TRIM16: variants seen among roughly 807,000 people sequenced by gnomAD.
TRIM16 encodes the protein tripartite motif containing 16.
Under a neutral mutation model 50.4 loss-of-function variants are expected in TRIM16, and 33 were observed. The ratio of observed to expected loss-of-function variants is 0.65; its 90% confidence interval spans 0.50 to 0.88. The LOEUF (loss-of-function observed/expected upper bound fraction) is 0.88. Among genes scored for constraint, TRIM16 ranks in the 40% least tolerant of loss-of-function variants. The pLI is 0.00. For synonymous variants in TRIM16, 229 were observed against 270.7 expected, an observed-to-expected ratio of 0.85 and a Z score of 1.51; for missense variants, 581 against 686.8, an observed-to-expected ratio of 0.85 and a Z score of 1.72.
chr17:15,677,425 G>A, intron 5 of TRIM16, 145 bp from the exon 6 acceptor site: 2 of 912,034 alleles, frequency 2.2e-6, no homozygotes, highest in Non-Finnish European at 2.6e-6. Context: ...CCCAAGTAGG[G>A]TGAGAAACAG....
intron 6 of TRIM16, among the ~76,000 whole-genome samples, chr17:15,673,684 G>T (rs1988808170): frequency 6.6e-6 from 1 of 151,616 alleles, no homozygotes; most frequent in Non-Finnish European, 1.5e-5. Context: ...AGCTTAGGAA[G>T]ATTTGAAAGA....
At chr17:15,674,633 C>T (rs1988851646) in intron 6 of TRIM16, among the ~76,000 whole-genome samples, 2 of 152,162 alleles carry the variant, frequency 1.3e-5, no homozygotes, top group Non-Finnish European at 2.9e-5. Context: ...AGATCGAATG[C>T]TCTCCAGCCC....
rs1171808110 is a variant in TRIM16 at position 15,674,823 on chromosome 17, C to CG, written c.-338+2352dup. ...CCTATTAACTGAGTCCCTCATCTCC[C>CG]GGGGGGTGATCACAAAACAGTGGGA... On this transcript the variant is annotated intron_variant, in intron 6 of 11. Transcript: ENST00000649191. 3.3e-5 allele frequency among the ~76,000 whole-genome samples: 5 copies of CG among 152,212 alleles called. No homozygotes were observed. The South Asian group carries it at 8.3e-4, about 25-fold the overall frequency.
At chr17:15,667,532 C>T (rs1400607133) in intron 6 of TRIM16, among the ~76,000 whole-genome samples, 1 of 151,258 alleles carries the variant, frequency 6.6e-6, no homozygotes, top group African/African-American at 2.4e-5. Flanking sequence ...GCAGAAGTAG[C>T]TTTTTTTTTC....
At chr17:15,641,583 G>A (rs1445008668) in intron 8 of TRIM16, among the ~76,000 whole-genome samples, 1 of 148,980 alleles carries the variant, frequency 6.7e-6, no homozygotes, top group African/African-American at 2.5e-5. Flanking sequence ...TCTTGAGCCT[G>A]GAAATCCATT....
intron 11 of TRIM16, among the ~76,000 whole-genome samples, chr17:15,631,184 A>C (rs1006754828): frequency 6.6e-6 from 1 of 152,236 alleles, no homozygotes; most frequent in African/African-American, 2.4e-5. Flanking sequence ...ACTGATCCAG[A>C]CTGAAGGAGA....
At chr17:15,646,358 A>T (rs1192985183) in intron 7 of TRIM16, among the ~76,000 whole-genome samples, 1 of 141,372 alleles carries the variant, frequency 7.1e-6, no homozygotes, top group Non-Finnish European at 1.5e-5. Context: ...CCACACACAC[A>T]TCTCAGGTCA....
At chr17:15,679,165 C>G (rs1207171164) in intron 4 of TRIM16, among the ~76,000 whole-genome samples, 1 of 152,176 alleles carries the variant, frequency 6.6e-6, no homozygotes, top group Non-Finnish European at 1.5e-5. Flanking sequence ...AGGCATGAGC[C>G]ACCGCATCCA....
intron 9 of TRIM16, among the ~76,000 whole-genome samples, chr17:15,635,257 C>T (rs1986674261): frequency 6.8e-6 from 1 of 147,394 alleles, no homozygotes; most frequent in African/African-American, 2.5e-5. Context: ...ATTTGAGACT[C>T]AGGGATGTGA....
intron 3 of TRIM16, among the ~76,000 whole-genome samples, chr17:15,681,406 C>T (rs57613265): frequency 7.2e-4 from 109 of 152,352 alleles, no homozygotes; most frequent in African/African-American, 2.5e-3. Context: ...TTTAGCCACC[C>T]CATCGTGAGT....
intron 4 of TRIM16, 28 bp downstream of exon 4, chr17:15,680,837 C>T (rs1989155161): frequency 6.6e-7 from 1 of 1,520,320 alleles, no homozygotes; most frequent in Non-Finnish European, 8.8e-7. Context: ...ATAAAATTTC[C>T]AAGAAGAGAG....
At chr17:15,656,388 G>A (rs1465284132) in intron 6 of TRIM16, among the ~76,000 whole-genome samples, 1 of 152,094 alleles carries the variant, frequency 6.6e-6, no homozygotes, top group East Asian at 1.9e-4. Context: ...CTCGGATTCT[G>A]CTTTGCTCCT....
At chr17:15,668,914 A>C (rs1988613458) in intron 6 of TRIM16, among the ~76,000 whole-genome samples, 1 of 152,156 alleles carries the variant, frequency 6.6e-6, no homozygotes, top group African/African-American at 2.4e-5. Context: ...TAATAAGCAA[A>C]ATGTATAAGG....
rs376366003 is a variant in TRIM16 at position 15,636,305 on chromosome 17, T to C, written c.616-36A>G. On this transcript the variant is annotated intron_variant, in intron 8 of 11. Coordinates refer to ENST00000649191, the MANE Select transcript of TRIM16 (RefSeq NM_001348119.1). The stretch of plus-strand genomic sequence containing the variant: ...GTGGGGGTGGAAGGCAGCCAAACAT[T>C]TCTTAGTGAGGCATCCAACTTGATA... 622 of 1,601,562 alleles carry C rather than the reference T, an allele frequency of 3.9e-4. 26 individuals are homozygous for C. Among genetic ancestry groups the C allele is most frequent in the South Asian group, 1.3e-3 (114 of 89,690 alleles).
chr17:15,651,502 T>A lies in TRIM16; in HGVS notation c.108A>T (p.Ser36=), dbSNP rs763552281. The A allele has an allele frequency of 1.9e-6, 3 of 1,612,736 alleles. No homozygotes were observed. Among genetic ancestry groups the A allele is most frequent in the Middle Eastern group, 1.6e-4 (1 of 6,084 alleles). The change falls in exon 7 of 12, where the codon TCA becomes TCT. Residue 36 remains serine (S), a synonymous_variant. Coordinates refer to ENST00000649191, the MANE Select transcript of TRIM16 (RefSeq NM_001348119.1). ...DSGSPSPDSG[S]ASPVEEEDVG... The stretch of plus-strand genomic sequence containing the variant: ...CGTCCTCTTCTTCCACTGGGCTGGC[T>A]GACCCAGAATCTGGGCTGGGTGACC...
At chr17:15,662,109 C>A (rs896589917) in intron 6 of TRIM16, among the ~76,000 whole-genome samples, 1 of 152,190 alleles carries the variant, frequency 6.6e-6, no homozygotes, top group Non-Finnish European at 1.5e-5. Flanking sequence ...TGCAGCCTGT[C>A]GGCCAGTGGT....
chr17:15,637,528 G>C (rs371663134), intron 8 of TRIM16, among the ~76,000 whole-genome samples: 1 of 81,120 alleles, frequency 1.2e-5, no homozygotes, highest in Non-Finnish European at 2.5e-5. Context: ...GAGGTGGGGG[G>C]GTCAGCCCCC....
At chr17:15,657,686 G>T (rs1398847998) in intron 6 of TRIM16, among the ~76,000 whole-genome samples, 6 of 152,114 alleles carry the variant, frequency 3.9e-5, no homozygotes, top group Non-Finnish European at 5.9e-5. Flanking sequence ...TGTCTTCAAG[G>T]TTCATTCATA....
At position 15,677,737 on chromosome 17, in the gene TRIM16, C is replaced by T. The variant is rs1242892596; in HGVS notation, c.-589-16G>A. 2 of 988,080 alleles carry T rather than the reference C, an allele frequency of 2.0e-6. No individual in the cohort carries two copies. Among genetic ancestry groups the T allele is most frequent in the Non-Finnish European group, 2.4e-6 (2 of 830,762 alleles). The allele number at this position is 988,080 out of a possible 1,614,324, so 61.2% of individuals were successfully genotyped here. A position where few individuals can be genotyped will look rare whatever the true frequency, so the allele number is the denominator to read the frequency against. ...GCATGGGGTTCTGAAGAAAAAGTTA[C>T]ATGAGGCATACTTAGGGGAGACTGA... On this transcript the variant is annotated splice_polypyrimidine_tract_variant and intron_variant, in intron 4 of 11. Transcript: ENST00000649191.
Sources: allele counts gnomAD v4.1 joint callset (sites outside exome capture counted in the v4.1 genomes callset), GRCh38; gene constraint gnomAD v4.1.1; transcripts MANE v1.5; gene names NCBI Gene and HGNC (gene_info 2026-07-23, HGNC 2026-07-21).